The following ABCB7 variants were observed in gnomAD, a reference collection of about 807,000 sequenced individuals.
ABCB7 encodes the protein iron-sulfur clusters transporter ABCB7, mitochondrial.
In ABCB7, 7 loss-of-function variants were observed where a neutral mutation model predicts 54.4. The observed-to-expected ratio is 0.13, with a 90% CI of 0.07 to 0.24. ABCB7 has a LOEUF of 0.24. Ranked by LOEUF, ABCB7 falls within the 10% of genes least tolerant of loss-of-function variation. ABCB7 has a pLI of 1.00. For missense variants in ABCB7, 356 were observed against 570.4 expected (o/e 0.62, Z 3.83); for synonymous variants, 218 against 207.1 (o/e 1.05, Z -0.45).
At chrX:75,122,467 TGCTGCAATGAACATGG>T (rs2081887954) in intron 1 of ABCB7, among the ~76,000 whole-genome samples, 1 of 112,950 alleles carries the variant, frequency 8.9e-6, no homozygotes, top group African/African-American at 3.2e-5. Flanking sequence ...CATTCTGCAA[TGCTGCAATGAACATGG>T]GCATGCAGAC....
chrX:75,057,999 C>T (rs2081254971), intron 15 of ABCB7, among the ~76,000 whole-genome samples: 1 of 110,703 alleles, frequency 9.0e-6, no homozygotes, highest in Non-Finnish European at 1.9e-5. Context: ...CCAGTAATTT[C>T]CTGATAAGTA....
Position 75,105,593 on chromosome X carries a change from T to C in ABCB7, c.334-6532A>G, listed in dbSNP as rs185447036. 4.1e-4 allele frequency among the ~76,000 whole-genome samples: 46 copies of C among 111,535 alleles called. No individual in the cohort carries two copies. The East Asian group carries it at 0.013, about 32-fold the overall frequency. On this transcript the variant is annotated intron_variant, in intron 3 of 15. Transcript: ENST00000373394. ...AAAGACCATACTGTCCAAAGCAATT[T>C]ACAGATTCAACACTATTCCTATCAA...
chrX:75,084,955 T>C (rs1001053004), intron 4 of ABCB7, among the ~76,000 whole-genome samples: 1 of 112,174 alleles, frequency 8.9e-6, no homozygotes, highest in African/African-American at 3.2e-5. Flanking sequence ...ATACCAAGTG[T>C]TGACAAAGAA....
At chrX:75,119,391 A>C (rs893767426) in intron 1 of ABCB7, among the ~76,000 whole-genome samples, 5 of 112,396 alleles carry the variant, frequency 4.4e-5, no homozygotes, top group Admixed American at 1.9e-4. Context: ...GGCTAAAGTT[A>C]AAGGGGGTAT....
chrX:75,094,019 C>CATATATATATATAT (rs199523853), intron 4 of ABCB7, among the ~76,000 whole-genome samples: 18 of 45,981 alleles, frequency 3.9e-4, no homozygotes, highest in African/African-American at 1.3e-3. Flanking sequence ...CTGTTATATA[C>CATATATATATATAT]ATATATATAT....
At chrX:75,115,405 CTTTTCTTTT>C (rs1569237722) in intron 1 of ABCB7, among the ~76,000 whole-genome samples, 1 of 35,479 alleles carries the variant, frequency 2.8e-5, no homozygotes, top group African/African-American at 1.6e-4. Flanking sequence ...GTTTCTGTCT[CTTTTCTTTT>C]TTTTTTTTTT....
chrX:75,132,859 G>A (rs186586040), intron 1 of ABCB7, among the ~76,000 whole-genome samples: 207 of 111,928 alleles, frequency 1.8e-3, no homozygotes, highest in African/African-American at 6.1e-3. Context: ...CACAGTTAAA[G>A]GAACATCAGC....
At chrX:75,062,059 G>A (rs1447642580) in intron 14 of ABCB7, among the ~76,000 whole-genome samples, 2 of 112,426 alleles carry the variant, frequency 1.8e-5, no homozygotes, top group African/African-American at 3.2e-5. Flanking sequence ...TAAGATGCAA[G>A]GGCAATACAA....
At chrX:75,075,152 T>C (rs757143829) in intron 6 of ABCB7, among the ~76,000 whole-genome samples, 9 of 112,000 alleles carry the variant, frequency 8.0e-5, no homozygotes, top group Non-Finnish European at 1.1e-4. Context: ...ATGTGTAGAA[T>C]TGAACAGTTA....
At chrX:75,154,121 T>C (rs2082155264) in intron 1 of ABCB7, among the ~76,000 whole-genome samples, 1 of 111,189 alleles carries the variant, frequency 9.0e-6, no homozygotes, top group Admixed American at 9.6e-5. Context: ...ATGGCAAGAG[T>C]TCCATGCCTT....
intron 1 of ABCB7, among the ~76,000 whole-genome samples, chrX:75,146,976 GA>G (rs202126877): frequency 2.1e-5 from 2 of 94,511 alleles, no homozygotes; most frequent in African/African-American, 7.7e-5. Flanking sequence ...AAATTTACAA[GA>G]AAAAAAAACA....
intron 1 of ABCB7, among the ~76,000 whole-genome samples, chrX:75,130,324 A>G (rs1219981401): frequency 8.9e-6 from 1 of 112,396 alleles, no homozygotes; most frequent in Non-Finnish European, 1.9e-5. Flanking sequence ...GCTAGCAAAA[A>G]CTGTCAGATC....
intron 13 of ABCB7, 108 bp downstream of exon 13, chrX:75,064,962 G>T: frequency 2.2e-6 from 2 of 906,396 alleles, no homozygotes; most frequent in East Asian, 3.4e-5. Flanking sequence ...GTGACTCAAC[G>T]AGCACTACAT....
intron 3 of ABCB7, among the ~76,000 whole-genome samples, chrX:75,107,950 G>A (rs2081719327): frequency 9.2e-6 from 1 of 108,681 alleles, no homozygotes; most frequent in African/African-American, 3.4e-5. Flanking sequence ...GACCTGCCCT[G>A]GGCCAGAAGG....
At chrX:75,125,099 T>C (rs1002151017) in intron 1 of ABCB7, among the ~76,000 whole-genome samples, 7 of 111,775 alleles carry the variant, frequency 6.3e-5, no homozygotes, top group African/African-American at 2.3e-4. Flanking sequence ...CACTGGTGAT[T>C]AAATTACCTC....
intron 13 of ABCB7, among the ~76,000 whole-genome samples, chrX:75,062,896 T>G (rs1258037910): frequency 3.6e-5 from 4 of 111,760 alleles, no homozygotes; most frequent in African/African-American, 1.3e-4. Context: ...AAAAGTAGCA[T>G]TCAGCCAGTA....
rs1458213377 is a variant in ABCB7, at chrX:75,053,432, T to G, written c.2197A>C (p.Arg733=). ...ACAATTTCTTCTTGTAGTTTCTTTC[T>G]TTCCTCCTCTTTGGATATATTTTCT... The part of the protein sequence containing the change: ...KKENISKEEE[R]KKLQEEIVNS... Residue 733 remains arginine, a synonymous_variant, in exon 16 of 16, where the codon AGA becomes CGA. Coordinates refer to ENST00000373394, the MANE Select transcript of ABCB7 (RefSeq NM_001271696.3). 13 of 1,209,289 alleles carry G rather than the reference T, an allele frequency of 1.1e-5. No homozygotes were observed. Among genetic ancestry groups the G allele is most frequent in the Non-Finnish European group, 1.5e-5 (13 of 894,269 alleles).
At chrX:75,078,687 A>T (rs2081431625) in intron 4 of ABCB7, among the ~76,000 whole-genome samples, 1 of 111,799 alleles carries the variant, frequency 8.9e-6, no homozygotes, top group African/African-American at 3.3e-5. Flanking sequence ...AGGTTTAATG[A>T]CTTGTCTGGT....
chrX:75,098,376 G>A (rs1000943782), intron 4 of ABCB7, among the ~76,000 whole-genome samples: 24 of 109,900 alleles, frequency 2.2e-4, no homozygotes, highest in African/African-American at 6.3e-4. Flanking sequence ...TTGAAAACTC[G>A]AGGTCATCAT....
Sources: allele counts gnomAD v4.1 joint callset (sites outside exome capture counted in the v4.1 genomes callset), GRCh38; gene constraint gnomAD v4.1.1; transcripts MANE v1.5; gene names NCBI Gene and HGNC (gene_info 2026-07-23, HGNC 2026-07-21).